MAJIN: variants seen among roughly 807,000 people sequenced by gnomAD.
MAJIN encodes membrane-anchored junction protein.
MAJIN carries 27 observed loss-of-function variants against 30.2 expected under a neutral mutation model. The observed-to-expected ratio is 0.89, with a 90% CI of 0.66 to 1.23. The LOEUF (loss-of-function observed/expected upper bound fraction) is 1.23. Among genes scored for constraint, MAJIN ranks in the 50% most tolerant of loss-of-function variants. The pLI, the probability that MAJIN is intolerant of heterozygous loss-of-function variation, is 0.00. For missense variants in MAJIN, 253 were observed against 260.3 expected, an observed-to-expected ratio of 0.97 and a Z score of 0.19; for synonymous variants, 78 against 91.6, an observed-to-expected ratio of 0.85 and a Z score of 0.85.
intron 8 of MAJIN, among the ~76,000 whole-genome samples, chr11:64,942,083 A>G (rs1419268139): frequency 6.6e-6 from 1 of 152,094 alleles, no homozygotes; most frequent in Non-Finnish European, 1.5e-5. Flanking sequence ...TCCAGTAAAC[A>G]CCCTGATAAT....
intron 1 of MAJIN, among the ~76,000 whole-genome samples, chr11:64,965,242 G>A (rs1347567228): frequency 6.6e-6 from 1 of 152,118 alleles, no homozygotes; most frequent in East Asian, 1.9e-4. Context: ...GAATGGATTT[G>A]CCCTTAGAAC....
intron 1 of MAJIN, among the ~76,000 whole-genome samples, chr11:64,968,647 T>C (rs1470872332): frequency 6.6e-6 from 1 of 151,560 alleles, no homozygotes; most frequent in Non-Finnish European, 1.5e-5. Flanking sequence ...ATCCTGTGAA[T>C]GGTGAAACCC....
intron 8 of MAJIN, among the ~76,000 whole-genome samples, chr11:64,944,015 G>A (rs926671965): frequency 2.6e-5 from 4 of 152,156 alleles, no homozygotes; most frequent in Admixed American, 6.5e-5. Context: ...CAGAGGCAGA[G>A]GTATAAATCC....
At chr11:64,941,749 T>C (rs1945382350) in intron 8 of MAJIN, among the ~76,000 whole-genome samples, 1 of 152,032 alleles carries the variant, frequency 6.6e-6, no homozygotes, top group Middle Eastern at 3.4e-3. Context: ...GAGCAGGTGG[T>C]GTTAGTCAAG....
intron 1 of MAJIN, among the ~76,000 whole-genome samples, chr11:64,962,497 C>A (rs921174806): frequency 3.8e-4 from 58 of 152,184 alleles, no homozygotes; most frequent in African/African-American, 1.3e-3. Context: ...GTCAGACTCT[C>A]CACGCATTTT....
At chr11:64,971,263 A>C (rs1565152321) in intron 1 of MAJIN, among the ~76,000 whole-genome samples, 1 of 151,950 alleles carries the variant, frequency 6.6e-6, no homozygotes, top group African/African-American at 2.4e-5. Flanking sequence ...CCCCATCTCT[A>C]CAAAAATACA....
chr11:64,942,770 G>C (rs1945397847), intron 8 of MAJIN, among the ~76,000 whole-genome samples: 1 of 152,230 alleles, frequency 6.6e-6, no homozygotes, highest in Non-Finnish European at 1.5e-5. Flanking sequence ...TTTCTATAGA[G>C]AGTGGAGATG....
At chr11:64,944,322 T>A (rs577153634) in intron 8 of MAJIN, among the ~76,000 whole-genome samples, 18 of 152,188 alleles carry the variant, frequency 1.2e-4, no homozygotes, top group Non-Finnish European at 2.4e-4. Flanking sequence ...CCTGGCCACT[T>A]TATGCTCCCT....
In MAJIN at chr11:64,958,614, A is replaced by G. The variant is rs558030825; in HGVS notation, c.101+691T>C. ...GTCTTGGGAGAAAAAAAAAAAAAAA[A>G]AAAGAAAGAAAAATTGCAAGGGAGT... On this transcript the variant is annotated intron_variant, in intron 3 of 10. Coordinates refer to ENST00000301896, the MANE Select transcript of MAJIN (RefSeq NM_001037225.3). 3.2e-3 allele frequency among the ~76,000 whole-genome samples: 484 copies of G among 151,068 alleles called. 2 individuals are homozygous for G. Among genetic ancestry groups the G allele is most frequent in the African/African-American group, 0.011 (467 of 41,270 alleles).
In MAJIN at chr11:64,949,879, G is replaced by A; in HGVS notation, c.224-11C>T. ...CCCATTTGCTTTTATCTGGAAAATGGTGCTAAGGAGTAAGGAAAGATGCCA... is the reference window on the plus strand; with the variant it reads ...CCCATTTGCTTTTATCTGGAAAATGATGCTAAGGAGTAAGGAAAGATGCCA... On this transcript the variant is annotated splice_polypyrimidine_tract_variant and intron_variant, in intron 5 of 10. Coordinates refer to ENST00000301896, the MANE Select transcript of MAJIN (RefSeq NM_001037225.3). 1.2e-6 allele frequency: 2 copies of A among 1,601,032 alleles called. No homozygotes were observed. Among genetic ancestry groups the A allele is most frequent in the Non-Finnish European group, 1.7e-6 (2 of 1,179,644 alleles).
intron 10 of MAJIN, among the ~76,000 whole-genome samples, chr11:64,939,142 C>G (rs1354554841): frequency 1.3e-5 from 2 of 152,110 alleles, no homozygotes; most frequent in South Asian, 4.1e-4. Context: ...GCAACCTCTA[C>G]CTCTCAGGTT....
chr11:64,955,342 T>A (rs1945615474), intron 3 of MAJIN, among the ~76,000 whole-genome samples: 1 of 152,090 alleles, frequency 6.6e-6, no homozygotes, highest in Non-Finnish European at 1.5e-5. Flanking sequence ...GCAATCATTT[T>A]ATAAAATCTC....
chr11:64,966,929 CA>C (rs111480545), intron 1 of MAJIN, among the ~76,000 whole-genome samples: 7,397 of 69,540 alleles, frequency 0.11, 167 homozygotes, highest in Middle Eastern at 0.14. Flanking sequence ...ATGACTGTCT[CA>C]AAAAAAAAAA....
At chr11:64,947,270 C>T in intron 8 of MAJIN, 104 bp downstream of exon 8, 1 of 938,816 alleles carries the variant, frequency 1.1e-6, no homozygotes. Context: ...TGATGAAGTC[C>T]TGCAAAAGAA....
At chr11:64,970,361 C>CTTTTTTTTTTTTTTTTTTTT (rs1196525730) in intron 1 of MAJIN, among the ~76,000 whole-genome samples, 1 of 66,058 alleles carries the variant, frequency 1.5e-5, no homozygotes, top group Non-Finnish European at 2.9e-5. Flanking sequence ...AAGACTCCGT[C>CTTTTTTTTTTTTTTTTTTTT]TTTTTTTTTT....
intron 3 of MAJIN, among the ~76,000 whole-genome samples, chr11:64,956,512 C>T (rs889420573): frequency 6.6e-6 from 1 of 151,630 alleles, no homozygotes; most frequent in Admixed American, 6.6e-5. Flanking sequence ...AAACAAAAAT[C>T]ATCCTAGGTC....
chr11:64,953,646 C>T (rs1565133281), intron 4 of MAJIN, among the ~76,000 whole-genome samples: 1 of 152,110 alleles, frequency 6.6e-6, no homozygotes, highest in Non-Finnish European at 1.5e-5. Flanking sequence ...CAAAAATTAG[C>T]TGGGCGTGGT....
chr11:64,940,835 C>CTTTTTTTTTTTTTTTTTTT (rs1168979344), intron 8 of MAJIN, among the ~76,000 whole-genome samples, 189 bp from the exon 9 acceptor site: 106 of 88,566 alleles, frequency 1.2e-3, no homozygotes, highest in Middle Eastern at 8.5e-3. Flanking sequence ...TTTTTTCTTT[C>CTTTTTTTTTTTTTTTTTTT]TTTTTTTTTT....
chr11:64,951,383 A>G (rs1945548509), intron 4 of MAJIN, among the ~76,000 whole-genome samples: 1 of 152,194 alleles, frequency 6.6e-6, no homozygotes, highest in South Asian at 2.1e-4. Flanking sequence ...AAGACTACTA[A>G]ATTTCTGTGG....
Sources: allele counts gnomAD v4.1 joint callset (sites outside exome capture counted in the v4.1 genomes callset), GRCh38; gene constraint gnomAD v4.1.1; transcripts MANE v1.5; gene names NCBI Gene and HGNC (gene_info 2026-07-23, HGNC 2026-07-21).